Variants in IKZF5 observed in about 807,000 individuals in gnomAD.
The protein encoded by IKZF5 is zinc finger protein Pegasus.
IKZF5 carries 4 observed loss-of-function variants against 30.7 expected under a neutral mutation model. The observed-to-expected ratio is 0.13, with a 90% CI of 0.06 to 0.30. The LOEUF (loss-of-function observed/expected upper bound fraction) is 0.30, where lower values mean the gene tolerates loss of function less well. Ranked by LOEUF, IKZF5 falls within the 10% of genes least tolerant of loss-of-function variation. The pLI, the probability that IKZF5 is intolerant of heterozygous loss-of-function variation, is 1.00. For synonymous variants in IKZF5, 148 were observed against 179.6 expected (o/e 0.82, Z 1.41); for missense variants, 348 against 525.5 (o/e 0.66, Z 3.30).
chr10:122,995,482 T>C (rs1389163191), intron 4 of IKZF5, among the ~76,000 whole-genome samples: 1 of 150,066 alleles, frequency 6.7e-6, no homozygotes, highest in Non-Finnish European at 1.5e-5. Context: ...AATGATGTGA[T>C]GAATGAGCAC....
chr10:123,005,570 C>G (rs1375402954), intron 2 of IKZF5, among the ~76,000 whole-genome samples: 2 of 152,180 alleles, frequency 1.3e-5, no homozygotes, highest in Admixed American at 1.3e-4. Context: ...CTGCTGGTAT[C>G]GTCATGGACT....
In IKZF5 at chr10:122,994,603, C is replaced by A. The variant is rs1253775182; in HGVS notation, c.437G>T (p.Arg146Leu). The A allele has an allele frequency of 6.2e-7, 1 of 1,613,972 alleles. No individual in the cohort carries two copies. The highest frequency in any genetic ancestry group is 8.5e-7 in the Non-Finnish European group (1 of 1,180,034). ...KPYKCELCSFRCSDRSNLSHH... is the reference protein window; with the variant it reads ...KPYKCELCSFLCSDRSNLSHH... ...GGACAAGTTACTTCGATCACTGCAGCGGAAGGAACATAATTCACATTTGTA... is the reference window on the plus strand; with the variant it reads ...GGACAAGTTACTTCGATCACTGCAGAGGAAGGAACATAATTCACATTTGTA... Residue 146 changes from arginine to leucine, a missense_variant, in exon 5 of 5, where the codon CGC (arginine) becomes CTC (leucine). By Grantham distance (102) the Arg-to-Leu change is moderately radical. Around this residue, in one of 4 missense-constraint regions of IKZF5, gnomAD observed 36 missense variants for 129.4 expected, o/e 0.28. Transcript: ENST00000368886. This position sits in a 1 kb window ranked among gnomAD's most constrained non-coding sequence, Gnocchi z 5.6.
At chr10:123,000,924 G>A (rs532740673) in intron 2 of IKZF5, among the ~76,000 whole-genome samples, 1 of 151,570 alleles carries the variant, frequency 6.6e-6, no homozygotes, top group Non-Finnish European at 1.5e-5. Context: ...TAATATGGAA[G>A]AATGCTTTAT....
At position 122,993,674 on chromosome 10, in the gene IKZF5, A is replaced by G; in HGVS notation, c.*106T>C. 4.6e-6 allele frequency: 3 copies of G among 657,686 alleles called. No individual in the cohort carries two copies. The highest frequency in any genetic ancestry group is 7.7e-6 in the Non-Finnish European group (3 of 389,080). 40.7% of individuals were successfully genotyped at this position (657,686 alleles called of 1,614,324 possible). On this transcript the variant is annotated 3_prime_UTR_variant, in exon 5 of 5. Transcript: ENST00000368886. ...AATTTATATTCTATAAATATAATGT[A>G]TAAGCCTTGAATTAGCAGACACTTT...
intron 4 of IKZF5, 127 bp downstream of exon 4, chr10:122,995,867 T>G: frequency 1.2e-6 from 1 of 856,346 alleles, no homozygotes; most frequent in Non-Finnish European, 1.8e-6. Context: ...AACTTTCCCA[T>G]TTATTCGAAC....
chr10:122,994,205 G>C lies in IKZF5; in HGVS notation c.835C>G (p.Pro279Ala), dbSNP rs1849272405. 1.9e-6 allele frequency: 3 copies of C among 1,614,016 alleles called. No homozygotes were observed. Among genetic ancestry groups the C allele is most frequent in the Non-Finnish European group, 2.5e-6 (3 of 1,180,044 alleles). ...ATGAAAGGCTTTTCATCAGGGCAGG[G>C]AACTACATCAGGGGATGCAGGGTTT... is the stretch of plus-strand genomic sequence containing the variant. ...NQNPASPDVV[P>A]CPDEKPFMIQ... The change falls in exon 5 of 5, where the codon CCC becomes GCC. Residue 279 changes from proline (P) to alanine (A), a missense_variant. Transcript: ENST00000368886. The surrounding 1 kb of genome is among the most constrained non-coding windows in gnomAD (Gnocchi z 5.6).
chr10:123,008,029 C>T (rs2133439233), intron 1 of IKZF5, among the ~76,000 whole-genome samples: 1 of 152,154 alleles, frequency 6.6e-6, no homozygotes, highest in Non-Finnish European at 1.5e-5. Flanking sequence ...ATCCAGTCAT[C>T]GAGCATGCTA....
Position 122,998,610 on chromosome 10 carries a change from G to GT in IKZF5, c.15dup (p.Pro6ThrfsTer29). On this transcript the variant is annotated frameshift_variant, in exon 3 of 5. Transcript: ENST00000368886. LOFTEE classifies it high-confidence loss of function. ...TCTTTCACGAAGTCCAAAGGCTCTG[G>GT]TTTTTTTTCACCCATCTTTGCTTTT... 1.9e-5 allele frequency: 30 copies of GT among 1,610,466 alleles called. No homozygotes were observed. Among genetic ancestry groups the GT allele is most frequent in the Admixed American group, 5.0e-5 (3 of 59,480 alleles).
intron 2 of IKZF5, among the ~76,000 whole-genome samples, chr10:122,999,131 C>G (rs1332848251): frequency 6.6e-6 from 1 of 152,120 alleles, no homozygotes; most frequent in Non-Finnish European, 1.5e-5. Flanking sequence ...GTGGTCAAGG[C>G]TGCAGTGAGC....
At chr10:122,998,992 G>A (rs997517363) in intron 2 of IKZF5, among the ~76,000 whole-genome samples, 8 of 152,080 alleles carry the variant, frequency 5.3e-5, no homozygotes, top group African/African-American at 1.9e-4. Context: ...AGAAACCAAG[G>A]AGACCGGAGA....
At chr10:122,996,287 A>G in intron 3 of IKZF5, 111 bp from the exon 4 acceptor site, 5 of 867,300 alleles carry the variant, frequency 5.8e-6, no homozygotes, top group Admixed American at 2.5e-5. Context: ...ACTTCTCACA[A>G]AAGTTAAGTC....
chr10:123,001,049 G>A (rs1436265415), intron 2 of IKZF5, among the ~76,000 whole-genome samples: 59 of 147,640 alleles, frequency 4.0e-4, no homozygotes, highest in Admixed American at 3.1e-3. Context: ...TCACTCTGTC[G>A]CCCAGGCTGG....
intron 1 of IKZF5, among the ~76,000 whole-genome samples, chr10:123,008,227 A>G (rs2133440442): frequency 6.6e-6 from 1 of 152,280 alleles, no homozygotes; most frequent in South Asian, 2.1e-4. Context: ...CCTTCTCCCA[A>G]CAATCAGCCT....
intron 3 of IKZF5, chr10:122,997,620 T>G (rs1849423984): frequency 6.6e-6 from 1 of 152,254 alleles, no homozygotes; most frequent in Admixed American, 6.5e-5. Flanking sequence ...CCAGACTATC[T>G]AGGTCAGGGG....
rs771813228 is a variant in IKZF5 at position 122,994,125 on chromosome 10, A to C, written c.915T>G (p.Pro305=). Reference sequence around the variant, plus strand: ...CTGGGCTTGTGGGAGAGGAGCTCTGAGGAATACTTGCTGATACGGCAGAAA... The same window carrying C: ...CTGGGCTTGTGGGAGAGGAGCTCTGCGGAATACTTGCTGATACGGCAGAAA... The part of the protein sequence containing the change: ...AVVSAVSASI[P]QSSSPTSPEP... Residue 305 remains proline, a synonymous_variant, in exon 5 of 5, where the codon CCT becomes CCG. Coordinates refer to ENST00000368886, the MANE Select transcript of IKZF5 (RefSeq NM_001372123.1). This position sits in a 1 kb window ranked among gnomAD's most constrained non-coding sequence, Gnocchi z 5.6. 6.2e-7 allele frequency: 1 copy of C among 1,614,130 alleles called. No homozygotes were observed. The highest frequency in any genetic ancestry group is 8.5e-7 in the Non-Finnish European group (1 of 1,180,022).
intron 2 of IKZF5, 50 bp from the exon 3 acceptor site, chr10:122,998,721 T>A: frequency 9.6e-7 from 1 of 1,045,806 alleles, no homozygotes; most frequent in Non-Finnish European, 1.4e-6. Flanking sequence ...AGCAAACAAA[T>A]GACAAAAGCT....
intron 2 of IKZF5, among the ~76,000 whole-genome samples, 183 bp downstream of exon 2, chr10:123,006,843 A>G (rs1390331376): frequency 1.3e-5 from 2 of 152,228 alleles, no homozygotes; most frequent in Admixed American, 6.5e-5. Context: ...ATTGGTTTCT[A>G]TGGAGTAACA....
Position 122,996,096 on chromosome 10 carries a change from C to T in IKZF5, c.214G>A (p.Asp72Asn). ...SLDENSGMLV[D>N]GFERTFDGKL... ...CCATCAAAGGTCCTTTCAAACCCGT[C>T]TACTAACATTCCTGAGTTTTCATCC... Residue 72 changes from aspartate to asparagine, a missense_variant, in exon 4 of 5, where the codon GAC becomes AAC. By Grantham distance (23) the Asp-to-Asn change is conservative. Transcript: ENST00000368886. 1 of 1,614,140 alleles carries T rather than the reference C, an allele frequency of 6.2e-7. No individual in the cohort carries two copies. Among genetic ancestry groups the T allele is most frequent in the Non-Finnish European group, 8.5e-7 (1 of 1,180,022 alleles).
At chr10:123,001,965 A>G (rs1383129809) in intron 2 of IKZF5, among the ~76,000 whole-genome samples, 1 of 152,252 alleles carries the variant, frequency 6.6e-6, no homozygotes, top group Non-Finnish European at 1.5e-5. Flanking sequence ...CATTTGACAT[A>G]CCATTAATAT....
Sources: gnomAD v4.1 joint callset for allele counts (sites outside exome capture counted in the v4.1 genomes callset) on GRCh38, gnomAD v4.1.1 for gene constraint, gnomAD v4.1.1 regional missense constraint, Gnocchi (gnomAD v3.1) non-coding constraint, MANE v1.5 for transcripts, NCBI Gene and HGNC (gene_info 2026-07-23, HGNC 2026-07-21) for gene names.